SLX4: variants seen among roughly 807,000 people sequenced by gnomAD.
SLX4 encodes structure-specific endonuclease subunit SLX4.
A neutral mutation model predicts 146.2 loss-of-function variants in SLX4; 112 were observed. That is an observed-to-expected ratio of 0.77 (90% CI 0.66 to 0.90). The LOEUF (loss-of-function observed/expected upper bound fraction) is 0.90, where lower values mean the gene tolerates loss of function less well. Among genes scored for constraint, SLX4 ranks in the 40% least tolerant of loss-of-function variants. SLX4 has a pLI of 0.00. For synonymous variants in SLX4, 1,061 were observed against 997.7 expected (o/e 1.06, Z -1.20); for missense variants, 2,563 against 2,392.7 (o/e 1.07, Z -1.49).
chr16:3,609,053 G>A lies in SLX4; in HGVS notation c.-89C>T, dbSNP rs570126003. 47 of 1,463,790 alleles carry A rather than the reference G, an allele frequency of 3.2e-5. No homozygotes were observed. In the African/African-American group the frequency reaches 5.7e-4, roughly 18 times the overall value. The allele number at this position is 1,463,790 out of a possible 1,614,324, so 90.7% of individuals were successfully genotyped here. The stretch of plus-strand genomic sequence containing the variant: ...TGTTTTCCTCTCTATAATGATTGAA[G>A]TATCTTTGTTCAAATTGGGCCTGTG... On this transcript the variant is annotated 5_prime_UTR_variant, in exon 2 of 15. Coordinates refer to ENST00000294008, the MANE Select transcript of SLX4 (RefSeq NM_032444.4).
chr16:3,595,842 G>A (rs2040646318), intron 8 of SLX4, 149 bp from the exon 9 acceptor site: 11 of 970,382 alleles, frequency 1.1e-5, no homozygotes, highest in Admixed American at 2.0e-5. Context: ...AAGCAAACCC[G>A]CACACCCTGT....
chr16:3,582,993 G>A, intron 14 of SLX4, 104 bp downstream of exon 14: 2 of 1,439,722 alleles, frequency 1.4e-6, no homozygotes, highest in Non-Finnish European at 2.0e-6. Flanking sequence ...GAAGGTGACG[G>A]GGGTTTTTGA....
rs2151135017 is a variant in SLX4, at chr16:3,602,258, C to G, written c.810G>C (p.Leu270Phe). The change falls in exon 4 of 15, where the codon TTG becomes TTC. Residue 270 changes from leucine to phenylalanine, a missense_variant. Coordinates refer to ENST00000294008, the MANE Select transcript of SLX4 (RefSeq NM_032444.4). ...PAPESDAAVA[L>F]TLQQEFARVG... is the part of the protein sequence containing the mutation. Reference sequence around the variant, plus strand: ...CCCGTGCAAACTCCTGCTGCAGGGTCAAGGCCACCGCAGCGTCGCTCTCTG... The same window carrying G: ...CCCGTGCAAACTCCTGCTGCAGGGTGAAGGCCACCGCAGCGTCGCTCTCTG... The G allele has an allele frequency of 6.2e-7, 1 of 1,614,172 alleles. No individual in the cohort carries two copies. Among genetic ancestry groups the G allele is most frequent in the Non-Finnish European group, 8.5e-7 (1 of 1,180,052 alleles).
Position 3,582,183 on chromosome 16 carries a change from T to C in SLX4, c.*159A>G, listed in dbSNP as rs117801349. The C allele has an allele frequency of 3.8e-5, 24 of 635,212 alleles. No individual in the cohort carries two copies. The East Asian group carries it at 6.6e-4, about 17-fold the overall frequency. 39.3% of individuals were successfully genotyped at this position (635,212 alleles called of 1,614,324 possible). ...AGAGCCCAGAGGAGGAAGCCCTGGATTGGGCTGTGGTCATCATCACAGCGC... is the reference window on the plus strand; with the variant it reads ...AGAGCCCAGAGGAGGAAGCCCTGGACTGGGCTGTGGTCATCATCACAGCGC... On this transcript the variant is annotated 3_prime_UTR_variant, in exon 15 of 15. Coordinates refer to ENST00000294008, the MANE Select transcript of SLX4 (RefSeq NM_032444.4).
chr16:3,596,481 T>C, intron 7 of SLX4, 88 bp from the exon 8 acceptor site: 1 of 1,442,956 alleles, frequency 6.9e-7, no homozygotes, highest in Admixed American at 2.2e-5. Context: ...TATGCACGGC[T>C]GGACCTAAAA....
chr16:3,609,326 T>C lies in SLX4; in HGVS notation c.-362A>G, dbSNP rs1245622601. 1 of 254,138 alleles carries C rather than the reference T, an allele frequency of 3.9e-6. No homozygotes were observed. The highest frequency in any genetic ancestry group is 7.7e-5 in the East Asian group (1 of 12,926). The allele number at this position is 254,138 out of a possible 1,614,324, so 15.7% of individuals were successfully genotyped here. A position where few individuals can be genotyped will look rare whatever the true frequency, so the allele number is the denominator to read the frequency against. On this transcript the variant is annotated 5_prime_UTR_variant, in exon 2 of 15. Transcript: ENST00000294008. ...GGGAGGCAGAGGCAAGAGAATCGCT[T>C]GAACCTGGGAGGCGGAGATTGCAGT...
chr16:3,598,119 G>T, intron 5 of SLX4, 120 bp from the exon 6 acceptor site: 2 of 1,117,516 alleles, frequency 1.8e-6, no homozygotes, highest in Non-Finnish European at 2.7e-6. Flanking sequence ...GGACCTGCCA[G>T]GCAGATGCGT....
chr16:3,583,463 T>G lies in SLX4; in HGVS notation c.4787A>C (p.Lys1596Thr), dbSNP rs2151117092. ...LPKRQMVLKLKEIFQYTHQTL... is the reference protein window; with the variant it reads ...LPKRQMVLKLTEIFQYTHQTL... ...CTGGTGAGTGTACTGGAATATCTCC[T>G]TCAGCTTCAGAACCATCTGGCGTTT... Residue 1596 changes from lysine (K) to threonine (T), a missense_variant, in exon 14 of 15, where the codon AAG (lysine) becomes ACG (threonine). Coordinates refer to ENST00000294008, the MANE Select transcript of SLX4 (RefSeq NM_032444.4). 2.5e-6 allele frequency: 4 copies of G among 1,614,176 alleles called. No individual in the cohort carries two copies. The highest frequency in any genetic ancestry group is 3.4e-6 in the Non-Finnish European group (4 of 1,180,028).
chr16:3,601,492 T>G (rs2151134388), intron 4 of SLX4: 1 of 441,682 alleles, frequency 2.3e-6, no homozygotes, highest in South Asian at 2.1e-5. Context: ...AACAAATACA[T>G]GAAACCCATG....
At chr16:3,610,426 A>G (rs1459251716) in intron 1 of SLX4, among the ~76,000 whole-genome samples, 3 of 152,178 alleles carry the variant, frequency 2.0e-5, no homozygotes, top group East Asian at 1.9e-4. Flanking sequence ...AACAGGTAAT[A>G]TCTATCGAAT....
rs114014006 is a variant in SLX4, at chr16:3,590,814, C to T, written c.2824G>A (p.Glu942Lys). ...QGQHSGARGAEAPEQEAPEEA... is the reference protein window; with the variant it reads ...QGQHSGARGAKAPEQEAPEEA... ...TCTGGCGCCTCCTGCTCAGGGGCCT[C>T]TGCTCCCCGTGCCCCTGAGTGCTGG... The change falls in exon 12 of 15, where the codon GAG (glutamate) becomes AAG (lysine). Residue 942 changes from glutamate to lysine, a missense_variant. Coordinates refer to ENST00000294008, the MANE Select transcript of SLX4 (RefSeq NM_032444.4). The surrounding 1 kb of genome is among the most constrained non-coding windows in gnomAD (Gnocchi z 4.8). 5.6e-6 allele frequency: 9 copies of T among 1,614,066 alleles called. No homozygotes were observed. Among genetic ancestry groups the T allele is most frequent in the Non-Finnish European group, 7.6e-6 (9 of 1,180,008 alleles).
At chr16:3,601,634 T>C (rs2040728412) in intron 4 of SLX4, 1 of 313,636 alleles carries the variant, frequency 3.2e-6, no homozygotes, top group African/African-American at 2.2e-5. Flanking sequence ...TACAATGAGA[T>C]ACTGCTCAGC....
intron 11 of SLX4, 62 bp from the exon 12 acceptor site, chr16:3,591,372 G>A (rs1193702918): frequency 2.3e-5 from 36 of 1,597,116 alleles, no homozygotes; most frequent in East Asian, 4.5e-5. Flanking sequence ...TGGGTGCCCC[G>A]GTGGGGTGGC....
Position 3,590,006 on chromosome 16 carries a change from T to G in SLX4, c.3632A>C (p.Glu1211Ala), listed in dbSNP as rs751709060. Reference sequence around the variant, plus strand: ...CTCATCCTCCTGCTGCAGCACAGCTTCGCTTCTTGGTGGGCTCTGGGAAGG... The same window carrying G: ...CTCATCCTCCTGCTGCAGCACAGCTGCGCTTCTTGGTGGGCTCTGGGAAGG... The part of the protein sequence containing the change: ...QEPSQSPPRS[E>A]AVLQQEDEGA... Residue 1211 changes from glutamate (E) to alanine (A), a missense_variant, in exon 12 of 15, where the codon GAA becomes GCA. By Grantham distance (107) the Glu-to-Ala change is moderately radical. Transcript: ENST00000294008. The surrounding 1 kb of genome is among the most constrained non-coding windows in gnomAD (Gnocchi z 4.8). The G allele has an allele frequency of 2.5e-6, 4 of 1,613,978 alleles. No individual in the cohort carries two copies. Among genetic ancestry groups the G allele is most frequent in the Non-Finnish European group, 3.4e-6 (4 of 1,180,012 alleles).
In SLX4 at chr16:3,591,000, G is replaced by A. The variant is rs2151125483; in HGVS notation, c.2638C>T (p.Leu880=). The A allele has an allele frequency of 6.2e-7, 1 of 1,614,164 alleles. No homozygotes were observed. Among genetic ancestry groups the A allele is most frequent in the Non-Finnish European group, 8.5e-7 (1 of 1,180,032 alleles). The part of the protein sequence containing the change: ...AAGAGEDADW[L]EGGSPVSGQL... ...CCAGAAACCGGACTGCCACCCTCCA[G>A]CCAGTCAGCGTCCTCGCCGGCACCC... Residue 880 remains leucine, a synonymous_variant, in exon 12 of 15, where the codon CTG becomes TTG. Coordinates refer to ENST00000294008, the MANE Select transcript of SLX4 (RefSeq NM_032444.4). The surrounding 1 kb of genome is among the most constrained non-coding windows in gnomAD (Gnocchi z 4.8).
chr16:3,590,100 T>C lies in SLX4; in HGVS notation c.3538A>G (p.Lys1180Glu). Reference protein sequence around the residue: ...SISSDPLEEKKALEISPRSCE... With the variant: ...SISSDPLEEKEALEISPRSCE... ...GACCTAGGGCTAATTTCTAGAGCTT[T>C]CTTTTCTTCCAGAGGATCACTAGAA... is the stretch of plus-strand genomic sequence containing the variant. The change falls in exon 12 of 15, where the codon AAA (lysine) becomes GAA (glutamate). Residue 1180 changes from lysine to glutamate, a missense_variant. Physicochemically the swap from Lys to Glu is moderately conservative, Grantham distance 56. Coordinates refer to ENST00000294008, the MANE Select transcript of SLX4 (RefSeq NM_032444.4). The surrounding 1 kb of genome is among the most constrained non-coding windows in gnomAD (Gnocchi z 4.8). The C allele has an allele frequency of 6.2e-7, 1 of 1,614,200 alleles. No individual in the cohort carries two copies.
chr16:3,593,910 C>T (rs111681646), intron 10 of SLX4, among the ~76,000 whole-genome samples: 4,130 of 152,222 alleles, frequency 0.027, 83 homozygotes, highest in Middle Eastern at 0.055. Context: ...CTTGCTCTGT[C>T]GCCCAGGCTG....
intron 3 of SLX4, among the ~76,000 whole-genome samples, chr16:3,605,146 G>C (rs1249523076): frequency 1.3e-5 from 2 of 151,390 alleles, no homozygotes; most frequent in African/African-American, 4.9e-5. Context: ...CTGGAGTGCA[G>C]TGGTGCAATC....
At position 3,601,052 on chromosome 16, in the gene SLX4, G is replaced by A. The variant is rs775276756; in HGVS notation, c.1090C>T (p.Pro364Ser). The A allele has an allele frequency of 3.7e-6, 6 of 1,613,952 alleles. No individual in the cohort carries two copies. Among genetic ancestry groups the A allele is most frequent in the Middle Eastern group, 1.6e-4 (1 of 6,062 alleles). Residue 364 changes from proline to serine, a missense_variant, in exon 5 of 15, where the codon CCC (proline) becomes TCC (serine). Transcript: ENST00000294008. Reference sequence around the variant, plus strand: ...CGCACAGCCTGAAGCAGGAGCTGGGGGCCAACCTCCATCTTCACAGCACAC... The same window carrying A: ...CGCACAGCCTGAAGCAGGAGCTGGGAGCCAACCTCCATCTTCACAGCACAC... ...KQCAVKMEVG[P>S]QLLLQAVRLQ...
Sources: gnomAD v4.1 joint callset for allele counts (sites outside exome capture counted in the v4.1 genomes callset) on GRCh38, gnomAD v4.1.1 for gene constraint, Gnocchi (gnomAD v3.1) non-coding constraint, MANE v1.5 for transcripts, NCBI Gene and HGNC (gene_info 2026-07-23, HGNC 2026-07-21) for gene names.